The following SH3TC1 variants were observed in gnomAD, a reference collection of about 807,000 sequenced individuals.
SH3TC1 encodes the protein SH3 domain and tetratricopeptide repeats 1.
Under a neutral mutation model 117.3 loss-of-function variants are expected in SH3TC1, and 135 were observed. The observed-to-expected ratio is 1.15, with a 90% CI of 1.00 to 1.33. The LOEUF (loss-of-function observed/expected upper bound fraction) is 1.33, where lower values mean the gene tolerates loss of function less well. Ranked by LOEUF, SH3TC1 falls within the 40% of genes most tolerant of loss-of-function variation. The pLI is 0.00. For synonymous variants in SH3TC1, 898 were observed against 816.9 expected, an observed-to-expected ratio of 1.10 and a Z score of -1.69; for missense variants, 2,092 against 1,794.3, an observed-to-expected ratio of 1.17 and a Z score of -3.00.
In SH3TC1 at chr4:8,192,653, C is replaced by T. The variant is rs908726985; in HGVS notation, c.-57+10443C>T. On this transcript the variant is annotated intron_variant, in intron 1 of 16. Transcript: ENST00000508641. The surrounding 1 kb of genome is among the most constrained non-coding windows in gnomAD (Gnocchi z 4.1). Reference sequence around the variant, plus strand: ...GGATCACAGGCGTGTGCCACAACGCCCAGCTAATTTTTGTATTTTTAGTAG... The same window carrying T: ...GGATCACAGGCGTGTGCCACAACGCTCAGCTAATTTTTGTATTTTTAGTAG... Among the ~76,000 whole-genome samples the T allele has an allele frequency of 5.9e-5, 9 of 151,982 alleles. No homozygotes were observed. Among genetic ancestry groups the T allele is most frequent in the Admixed American group, 3.3e-4 (5 of 15,252 alleles).
At position 8,240,732 on chromosome 4, in the gene SH3TC1, C is replaced by T. The variant is rs564045518; in HGVS notation, c.3788C>T (p.Ala1263Val). 1.9e-5 allele frequency: 30 copies of T among 1,613,766 alleles called. No individual in the cohort carries two copies. Among genetic ancestry groups the T allele is most frequent in the East Asian group, 4.5e-5 (2 of 44,874 alleles). The change falls in exon 18 of 18, where the codon GCG becomes GTG. Residue 1263 changes from alanine to valine, a missense_variant. Coordinates refer to ENST00000245105, the MANE Select transcript of SH3TC1 (RefSeq NM_018986.5). ...GATGCAGCCGGGTACTACCAGCTGG[C>T]GCTGGCAGCCGCCGTGGACCTGGGC... The part of the protein sequence containing the change: ...PFDAAGYYQL[A>V]LAAAVDLGNK...
intron 1 of SH3TC1, among the ~76,000 whole-genome samples, chr4:8,185,657 C>G (rs974259203): frequency 6.6e-6 from 1 of 152,234 alleles, no homozygotes; most frequent in African/African-American, 2.4e-5. Context: ...TCAGAGAAAG[C>G]CTTGCTTCTG....
In SH3TC1 at chr4:8,186,633, T is replaced by TA. The variant is rs1032533731; in HGVS notation, c.-57+4430dup. Among the ~76,000 whole-genome samples, 17 of 152,218 alleles carry TA rather than the reference T, an allele frequency of 1.1e-4. No homozygotes were observed. Among genetic ancestry groups the TA allele is most frequent in the African/African-American group, 3.6e-4 (15 of 41,530 alleles). The stretch of plus-strand genomic sequence containing the variant: ...TAAAACTTTAAAATAAAGTTTAGGT[T>TA]AAAAAAACACTTTTAAAAAGCCCCT... On this transcript the variant is annotated intron_variant, in intron 1 of 16. Coordinates refer to the SH3TC1 transcript ENST00000508641. The surrounding 1 kb of genome is among the most constrained non-coding windows in gnomAD (Gnocchi z 5.2).
chr4:8,230,783 C>CTTTTTTTT lies in SH3TC1; in HGVS notation c.2951-1182_2951-1175dup, dbSNP rs59242411. 9.3e-3 allele frequency among the ~76,000 whole-genome samples: 1,251 copies of CTTTTTTTT among 134,022 alleles called. 8 individuals carry two copies. The highest frequency in any genetic ancestry group is 0.016 in the Non-Finnish European group (1,042 of 64,370). 87.9% of individuals were successfully genotyped at this position (134,022 alleles called of 152,430 possible). A position where few individuals can be genotyped will look rare whatever the true frequency, so the allele number is the denominator to read the frequency against. On this transcript the variant is annotated intron_variant, in intron 12 of 17. Transcript: ENST00000245105. ...ATCTTGGAATTTTTGATATGCTGTG[C>CTTTTTTTT]TTTTTTTTTTTTTTTTTTAGACAGA...
intron 9 of SH3TC1, 76 bp downstream of exon 9, chr4:8,219,606 G>C: frequency 7.3e-7 from 1 of 1,375,036 alleles, no homozygotes; most frequent in Non-Finnish European, 9.6e-7. Flanking sequence ...CGTCCACCTG[G>C]CTCCCCAGGT....
At chr4:8,197,059 C>T (rs564656694), upstream of SH3TC1, among the ~76,000 whole-genome samples, 20 of 152,308 alleles carry the variant, frequency 1.3e-4, no homozygotes, top group East Asian at 3.5e-3. Context: ...TAAGGGTCTC[C>T]AGATGAGATC....
At chr4:8,189,710 G>A (rs1717354830) in intron 1 of SH3TC1, among the ~76,000 whole-genome samples, 1 of 152,184 alleles carries the variant, frequency 6.6e-6, no homozygotes. Context: ...GTGGTGTCTG[G>A]GCTGGCTACT....
chr4:8,214,901 A>T (rs1036730965), intron 5 of SH3TC1, among the ~76,000 whole-genome samples: 1 of 152,092 alleles, frequency 6.6e-6, no homozygotes, highest in South Asian at 2.1e-4. Context: ...GACCAAGCTG[A>T]TCTCAAACTC....
At chr4:8,202,922 G>T (rs142124113) in intron 1 of SH3TC1, among the ~76,000 whole-genome samples, 4 of 152,172 alleles carry the variant, frequency 2.6e-5, no homozygotes, top group Admixed American at 2.6e-4. Flanking sequence ...GGCTCCTCCC[G>T]CCCCTGCTCT....
At chr4:8,211,841 C>T (rs907225115) in intron 3 of SH3TC1, among the ~76,000 whole-genome samples, 4 of 152,086 alleles carry the variant, frequency 2.6e-5, no homozygotes, top group Admixed American at 6.5e-5. Context: ...AGACAGAGCA[C>T]GTGCCCACCC....
chr4:8,184,723 C>T (rs1308154297), intron 1 of SH3TC1, among the ~76,000 whole-genome samples: 2 of 152,124 alleles, frequency 1.3e-5, no homozygotes, highest in African/African-American at 4.8e-5. Context: ...CTGTGGGGCT[C>T]CTTTTGCCTT....
In SH3TC1 at chr4:8,212,721, G is replaced by A. The variant is rs745381976; in HGVS notation, c.268G>A (p.Ala90Thr). The A allele has an allele frequency of 6.2e-7, 1 of 1,612,948 alleles. No homozygotes were observed. The highest frequency in any genetic ancestry group is 2.2e-5 in the East Asian group (1 of 44,872). Residue 90 changes from alanine to threonine, a missense_variant, in exon 4 of 18, where the codon GCT becomes ACT. Coordinates refer to ENST00000245105, the MANE Select transcript of SH3TC1 (RefSeq NM_018986.5). The part of the protein sequence containing the change: ...YPTDLTLQLL[A>T]VRRKSRLRDP... ...TCCAGACCTGACCCTGCAGCTGCTG[G>A]CTGTGCGGAGGAAGAGCAGACTGCG...
intron 1 of SH3TC1, among the ~76,000 whole-genome samples, chr4:8,193,509 C>T (rs1321545223): frequency 2.0e-5 from 3 of 152,150 alleles, no homozygotes; most frequent in Non-Finnish European, 4.4e-5. Flanking sequence ...AAGTCTCAGC[C>T]CAGATGCCTC....
At chr4:8,236,849 G>A (rs545684315) in intron 16 of SH3TC1, 1 of 172,162 alleles carries the variant, frequency 5.8e-6, no homozygotes, top group Non-Finnish European at 1.2e-5. Flanking sequence ...CTTAATGCCG[G>A]GCATCCCCCG....
Position 8,186,889 on chromosome 4 carries a change from A to G in SH3TC1, c.-57+4679A>G, listed in dbSNP as rs1717236541. Among the ~76,000 whole-genome samples, 1 of 150,876 alleles carries G rather than the reference A, an allele frequency of 6.6e-6. No individual in the cohort carries two copies. Among genetic ancestry groups the G allele is most frequent in the South Asian group, 2.1e-4 (1 of 4,764 alleles). On this transcript the variant is annotated intron_variant, in intron 1 of 16. Coordinates refer to the SH3TC1 transcript ENST00000508641. This position sits in a 1 kb window ranked among gnomAD's most constrained non-coding sequence, Gnocchi z 5.2. Reference sequence around the variant, plus strand: ...AACCCAGAAGGTGGAGGTTGCAGTGAGCCGAGATCATACCACTGCACTCCA... The same window carrying G: ...AACCCAGAAGGTGGAGGTTGCAGTGGGCCGAGATCATACCACTGCACTCCA...
At chr4:8,202,515 C>A (rs1717904239) in intron 1 of SH3TC1, among the ~76,000 whole-genome samples, 1 of 152,252 alleles carries the variant, frequency 6.6e-6, no homozygotes, top group Non-Finnish European at 1.5e-5. Context: ...ATTCACCATT[C>A]CCGGCCCCCA....
rs769515676 is a variant in SH3TC1 at position 8,228,234 on chromosome 4, T to A, written c.2540T>A (p.Ile847Asn). 6 of 1,609,766 alleles carry A rather than the reference T, an allele frequency of 3.7e-6. No individual in the cohort carries two copies. The Admixed American group carries it at 6.7e-5, about 18-fold the overall frequency. Residue 847 changes from isoleucine (I) to asparagine (N), a missense_variant, in exon 12 of 18, where the codon ATC (isoleucine) becomes AAC (asparagine). Physicochemically the swap from Ile to Asn is moderately radical, Grantham distance 149. Transcript: ENST00000245105. The stretch of plus-strand genomic sequence containing the variant: ...GGGCAGAGCCCGGTGGCCCTGGACA[T>A]CCTGCAGTCTGTCCGGGATGCAGTG... ...LHGQSPVALDILQSVRDAVVA... is the reference protein window; with the variant it reads ...LHGQSPVALDNLQSVRDAVVA...
chr4:8,191,110 C>T (rs1232937241), intron 1 of SH3TC1, among the ~76,000 whole-genome samples: 1 of 152,194 alleles, frequency 6.6e-6, no homozygotes, highest in African/African-American at 2.4e-5. Context: ...TCTGAAATCT[C>T]CTCTGGGGAA....
intron 11 of SH3TC1, among the ~76,000 whole-genome samples, chr4:8,226,128 T>C (rs1720439463): frequency 6.6e-6 from 1 of 152,236 alleles, no homozygotes; most frequent in Non-Finnish European, 1.5e-5. Flanking sequence ...ACATGTGAGC[T>C]TGAAACAGAG....
Sources: allele counts gnomAD v4.1 joint callset (sites outside exome capture counted in the v4.1 genomes callset), GRCh38; gene constraint gnomAD v4.1.1; non-coding constraint Gnocchi (gnomAD v3.1); transcripts MANE v1.5; gene names NCBI Gene and HGNC (gene_info 2026-07-23, HGNC 2026-07-21).